The following TLCD4 variants were observed in gnomAD, a reference collection of about 807,000 sequenced individuals.
TLCD4 encodes TLC domain-containing protein 4.
Under a neutral mutation model 24.2 loss-of-function variants are expected in TLCD4, and 7 were observed. That is an observed-to-expected ratio of 0.29 (90% confidence interval 0.16 to 0.54). The LOEUF is 0.54. Among genes scored for constraint, TLCD4 ranks in the 20% least tolerant of loss-of-function variants. The pLI is 0.95. For synonymous variants in TLCD4, 103 were observed against 106.4 expected, an observed-to-expected ratio of 0.97 and a Z score of 0.20; for missense variants, 259 against 313.9, an observed-to-expected ratio of 0.82 and a Z score of 1.32.
At chr1:95,157,793 G>GC (rs922727646) in intron 5 of TLCD4, among the ~76,000 whole-genome samples, 22 of 152,282 alleles carry the variant, frequency 1.4e-4, no homozygotes, top group African/African-American at 5.3e-4. Context: ...GGAGGAAGCC[G>GC]CAAGACTTCT....
At chr1:95,150,148 A>T in intron 3 of TLCD4, 60 bp from the exon 4 acceptor site, 1 of 1,548,602 alleles carries the variant, frequency 6.5e-7, no homozygotes, top group African/African-American at 1.4e-5. Context: ...CTATAGAAAA[A>T]AGAAGTAGCG....
At chr1:95,176,319 G>A (rs776939664) in intron 6 of TLCD4, among the ~76,000 whole-genome samples, 4 of 151,500 alleles carry the variant, frequency 2.6e-5, no homozygotes, top group Non-Finnish European at 5.9e-5. Flanking sequence ...AGTCTCTTGA[G>A]TAGCTAGAAT....
chr1:95,093,567 T>G, the TLCD4 span, among the ~76,000 whole-genome samples: 4 of 152,222 alleles, frequency 2.6e-5, no homozygotes, highest in African/African-American at 9.6e-5. Context: ...TTGAGCTGTA[T>G]GTGAAGAAGA....
At chr1:95,139,174 C>CAAAAAAAAAA (rs71097248) in intron 1 of TLCD4, among the ~76,000 whole-genome samples, 19 of 76,722 alleles carry the variant, frequency 2.5e-4, no homozygotes, top group South Asian at 5.1e-4. Flanking sequence ...GAACCTGTGT[C>CAAAAAAAAAA]AAAAAAAAAA....
chr1:95,149,753 A>C (rs1432024139), intron 3 of TLCD4, among the ~76,000 whole-genome samples: 1 of 152,164 alleles, frequency 6.6e-6, no homozygotes, highest in African/African-American at 2.4e-5. Flanking sequence ...TTCATAACAA[A>C]GATTTGATTC....
At chr1:95,112,760 A>C (rs1676363695), upstream of TLCD4, among the ~76,000 whole-genome samples, 1 of 152,242 alleles carries the variant, frequency 6.6e-6, no homozygotes, top group South Asian at 2.1e-4. Context: ...TGATCTGGCA[A>C]AATAAAAGAG....
upstream of TLCD4, among the ~76,000 whole-genome samples, chr1:95,113,398 A>G (rs188135167): frequency 4.7e-3 from 722 of 152,298 alleles, 7 homozygotes; most frequent in Non-Finnish European, 5.7e-3. Context: ...GCAAGGAAGC[A>G]TGAGGGCAAA....
rs1557701205 is a variant in TLCD4, at chr1:95,191,667, C to T, written c.591C>T (p.Gly197=). 12 of 1,614,130 alleles carry T rather than the reference C, an allele frequency of 7.4e-6. No homozygotes were observed. The highest frequency in any genetic ancestry group is 1.0e-5 in the Non-Finnish European group (12 of 1,180,006). The change falls in exon 7 of 7, where the codon GGC becomes GGT. Residue 197 remains glycine (G), a synonymous_variant. Coordinates refer to ENST00000370203, the MANE Select transcript of TLCD4 (RefSeq NM_152487.3). ...TTGCCTCAATGCTTCCTCATTATGG[C>T]TTCATGTATTCCGTGTATGGAACAG... The part of the protein sequence containing the change: ...VRIASMLPHY[G]FMYSVYGTEP...
At chr1:95,114,190 A>G (rs1224987671), upstream of TLCD4, among the ~76,000 whole-genome samples, 1 of 152,128 alleles carries the variant, frequency 6.6e-6, no homozygotes, top group Non-Finnish European at 1.5e-5. Context: ...CTCCCAAAGC[A>G]CTTGGGATTA....
At chr1:95,120,246 C>T (rs561528993) in intron 1 of TLCD4, 4 of 152,272 alleles carry the variant, frequency 2.6e-5, no homozygotes, top group East Asian at 3.9e-4. Context: ...TGGTATCAGG[C>T]GCTGGATGGA....
intron 5 of TLCD4, among the ~76,000 whole-genome samples, 177 bp downstream of exon 5, chr1:95,151,596 T>C (rs547596630): frequency 1.3e-5 from 2 of 152,254 alleles, no homozygotes; most frequent in East Asian, 3.9e-4. Flanking sequence ...TACCTTTATG[T>C]GTGTCTGTGT....
chr1:95,093,666 T>C, the TLCD4 span, among the ~76,000 whole-genome samples: 150,361 of 152,330 alleles, frequency 0.99, 74,235 homozygotes, highest in Middle Eastern at 1. Flanking sequence ...TTTGGGAGTA[T>C]TGATCTGTTT....
chr1:95,164,353 C>T (rs1037958673), intron 5 of TLCD4: 14 of 152,276 alleles, frequency 9.2e-5, no homozygotes, highest in African/African-American at 2.4e-4. Flanking sequence ...GTTGGAAAAG[C>T]GCAATATTAG....
At chr1:95,162,721 T>C (rs1273632675) in intron 5 of TLCD4, among the ~76,000 whole-genome samples, 1 of 152,208 alleles carries the variant, frequency 6.6e-6, no homozygotes, top group East Asian at 1.9e-4. Flanking sequence ...TCTCAGCATT[T>C]GCTTGTCTGT....
the TLCD4 span, among the ~76,000 whole-genome samples, chr1:95,101,410 AGTGTGTGTGTGTGTGTGT>A: frequency 1.7e-3 from 244 of 142,744 alleles, no homozygotes; most frequent in Non-Finnish European, 2.7e-3. Context: ...GACTAATTAA[AGTGTGTGTGTGTGTGTGT>A]GTGTGTGTGT....
chr1:95,153,310 A>G (rs1457573338), intron 5 of TLCD4, among the ~76,000 whole-genome samples: 4 of 152,124 alleles, frequency 2.6e-5, no homozygotes, highest in Admixed American at 6.6e-5. Context: ...TATGTCATAT[A>G]TATTTTGCCA....
At chr1:95,098,028 A>T in the TLCD4 span, among the ~76,000 whole-genome samples, 1 of 152,204 alleles carries the variant, frequency 6.6e-6, no homozygotes, top group Non-Finnish European at 1.5e-5. Flanking sequence ...AACATTAATA[A>T]CAAAAAACAG....
intron 4 of TLCD4, among the ~76,000 whole-genome samples, 153 bp from the exon 5 acceptor site, chr1:95,151,172 T>C (rs1677481717): frequency 6.6e-6 from 1 of 152,076 alleles, no homozygotes; most frequent in South Asian, 2.1e-4. Flanking sequence ...GATTTTATGG[T>C]AAAGTAGATA....
At chr1:95,161,773 C>G (rs1270296212) in intron 5 of TLCD4, among the ~76,000 whole-genome samples, 2 of 152,186 alleles carry the variant, frequency 1.3e-5, no homozygotes, top group African/African-American at 2.4e-5. Flanking sequence ...AGTAGTCATT[C>G]AGGAGCAGGT....
Sources: allele counts gnomAD v4.1 joint callset (sites outside exome capture counted in the v4.1 genomes callset), GRCh38; gene constraint gnomAD v4.1.1; transcripts MANE v1.5; gene names NCBI Gene and HGNC (gene_info 2026-07-23, HGNC 2026-07-21).